Variants in C2orf76 observed in about 807,000 individuals in gnomAD.
C2orf76 encodes chromosome 2 open reading frame 76.
Under a neutral mutation model 16.9 loss-of-function variants are expected in C2orf76, and 23 were observed. That is an observed-to-expected ratio of 1.36 (90% CI 0.98 to 1.93). The LOEUF (loss-of-function observed/expected upper bound fraction) is 1.93. C2orf76 is among the 30% of genes most tolerant of loss of function. C2orf76 has a pLI of 0.00. For missense variants in C2orf76, 152 were observed against 152.6 expected, an observed-to-expected ratio of 1.00 and a Z score of 0.02; for synonymous variants, 48 against 52.3, an observed-to-expected ratio of 0.92 and a Z score of 0.35.
At chr2:119,299,397 C>A (rs986729500), downstream of C2orf76, among the ~76,000 whole-genome samples, 5 of 152,104 alleles carry the variant, frequency 3.3e-5, no homozygotes, top group Non-Finnish European at 7.4e-5. Context: ...AATATTTTTT[C>A]TCCTATATAG....
intron 2 of C2orf76, among the ~76,000 whole-genome samples, chr2:119,335,867 G>A (rs1177001469): frequency 3.3e-5 from 5 of 152,160 alleles, no homozygotes; most frequent in African/African-American, 1.2e-4. Context: ...AGACTGAACT[G>A]GAAGGTTGGA....
At chr2:119,349,844 AG>A (rs1261767717) in intron 1 of C2orf76, among the ~76,000 whole-genome samples, 1 of 152,164 alleles carries the variant, frequency 6.6e-6, no homozygotes, top group East Asian at 1.9e-4. Context: ...AGCTCTTTAA[AG>A]GGAAAGAATG....
At chr2:119,350,077 C>T (rs13408382) in intron 1 of C2orf76, among the ~76,000 whole-genome samples, 2 of 84,044 alleles carry the variant, frequency 2.4e-5, no homozygotes, top group East Asian at 3.1e-4. Flanking sequence ...CCGCCCCCCG[C>T]CCCCCCACCG....
chr2:119,364,041 G>A (rs1680839590), intron 1 of C2orf76, among the ~76,000 whole-genome samples: 1 of 123,152 alleles, frequency 8.1e-6, no homozygotes, highest in African/African-American at 2.9e-5. Context: ...GAGAGAGAGA[G>A]ACAGACAGAC....
At chr2:119,329,746 T>G (rs138660638) in intron 2 of C2orf76, among the ~76,000 whole-genome samples, 56 of 152,272 alleles carry the variant, frequency 3.7e-4, no homozygotes, top group African/African-American at 1.3e-3. Context: ...CAAAAGATTC[T>G]TCCATTTCTC....
chr2:119,328,582 A>G (rs930350064), intron 2 of C2orf76, among the ~76,000 whole-genome samples: 17 of 151,626 alleles, frequency 1.1e-4, no homozygotes, highest in African/African-American at 3.9e-4. Context: ...GATTTTCTCT[A>G]TGGTTTTTCT....
At chr2:119,308,492 T>C (rs1678870712) in intron 5 of C2orf76, among the ~76,000 whole-genome samples, 1 of 152,030 alleles carries the variant, frequency 6.6e-6, no homozygotes. Context: ...AATACAAAAA[T>C]TAGCTGGGCA....
chr2:119,346,374 T>C (rs1006530280), intron 1 of C2orf76, among the ~76,000 whole-genome samples: 1 of 152,170 alleles, frequency 6.6e-6, no homozygotes, highest in Non-Finnish European at 1.5e-5. Flanking sequence ...GCCCCAAAAC[T>C]GGGAAATAAT....
chr2:119,322,463 C>T (rs1168460179), intron 2 of C2orf76, among the ~76,000 whole-genome samples: 1 of 152,140 alleles, frequency 6.6e-6, no homozygotes, highest in Non-Finnish European at 1.5e-5. Context: ...CCACCTTGGC[C>T]TCCCAAAGTG....
chr2:119,363,372 C>CAGT (rs1279048405), intron 1 of C2orf76, among the ~76,000 whole-genome samples: 1 of 149,874 alleles, frequency 6.7e-6, no homozygotes, highest in East Asian at 2.0e-4. Flanking sequence ...TGCAGTGAGC[C>CAGT]GAGATCGCAC....
chr2:119,288,688 G>T, the C2orf76 span, among the ~76,000 whole-genome samples: 5 of 152,104 alleles, frequency 3.3e-5, no homozygotes, highest in Non-Finnish European at 7.4e-5. Flanking sequence ...CCCCGACACT[G>T]GCAGAAAGCA....
At chr2:119,347,740 G>T (rs1345346348) in intron 1 of C2orf76, among the ~76,000 whole-genome samples, 1 of 151,970 alleles carries the variant, frequency 6.6e-6, no homozygotes, top group Non-Finnish European at 1.5e-5. Flanking sequence ...TGAGTGCAAT[G>T]ACCTCAGCTA....
At chr2:119,338,077 T>G (rs1679907942) in intron 2 of C2orf76, among the ~76,000 whole-genome samples, 1 of 152,214 alleles carries the variant, frequency 6.6e-6, no homozygotes, top group African/African-American at 2.4e-5. Context: ...TATTTCAAAC[T>G]CTGACTATGC....
intron 1 of C2orf76, among the ~76,000 whole-genome samples, chr2:119,363,751 C>T (rs996683716): frequency 1.4e-4 from 22 of 152,182 alleles, no homozygotes; most frequent in African/African-American, 4.8e-4. Context: ...CAGGGCGAGG[C>T]ACAGTGGCTT....
At position 119,341,022 on chromosome 2, in the gene C2orf76, A is replaced by G. The variant is rs73948661; in HGVS notation, c.-12-1051T>C. On this transcript the variant is annotated intron_variant, in intron 1 of 5. Transcript: ENST00000334816. ...TCAGAAGCCCCATGTACCCTCCCCA[A>G]TTCCATCAGCATTTTCTGCCCTGGG... 4.4e-3 allele frequency among the ~76,000 whole-genome samples: 675 copies of G among 152,106 alleles called. 7 individuals are homozygous for G. Among genetic ancestry groups the G allele is most frequent in the African/African-American group, 0.014 (601 of 41,506 alleles).
At chr2:119,341,527 C>T (rs1680029588) in intron 1 of C2orf76, among the ~76,000 whole-genome samples, 1 of 152,200 alleles carries the variant, frequency 6.6e-6, no homozygotes, top group South Asian at 2.1e-4. Flanking sequence ...TAGGTAGCTT[C>T]CACAAGCCTT....
intron 1 of C2orf76, among the ~76,000 whole-genome samples, chr2:119,340,648 G>A (rs1212904614): frequency 6.6e-6 from 1 of 151,968 alleles, no homozygotes; most frequent in Non-Finnish European, 1.5e-5. Context: ...TTAAAGATGA[G>A]AAGACTGACT....
At chr2:119,356,463 C>CTG (rs1680575229) in intron 1 of C2orf76, among the ~76,000 whole-genome samples, 1 of 149,416 alleles carries the variant, frequency 6.7e-6, no homozygotes, top group Non-Finnish European at 1.5e-5. Context: ...AGTTAAAGCA[C>CTG]TGTGAAGAGG....
At chr2:119,344,917 A>G (rs1680150785) in intron 1 of C2orf76, among the ~76,000 whole-genome samples, 1 of 152,154 alleles carries the variant, frequency 6.6e-6, no homozygotes, top group Non-Finnish European at 1.5e-5. Flanking sequence ...ATTAGTGGGG[A>G]AAAGATAGTT....
Sources: allele counts gnomAD v4.1 joint callset (sites outside exome capture counted in the v4.1 genomes callset), GRCh38; gene constraint gnomAD v4.1.1; transcripts MANE v1.5; gene names NCBI Gene and HGNC (gene_info 2026-07-23, HGNC 2026-07-21).